The following SLC6A6 variants were observed in gnomAD, a reference collection of about 807,000 sequenced individuals.
The protein encoded by SLC6A6 is solute carrier family 6 member 6, also known as sodium- and chloride-dependent taurine transporter.
A neutral mutation model predicts 68.8 loss-of-function variants in SLC6A6; 16 were observed. The observed-to-expected ratio is 0.23, with a 90% CI of 0.16 to 0.35. The LOEUF (loss-of-function observed/expected upper bound fraction) is 0.35, where lower values mean the gene tolerates loss of function less well. SLC6A6 is among the 10% of genes least tolerant of loss of function. SLC6A6 has a pLI of 1.00. For missense variants in SLC6A6, 474 were observed against 802.8 expected, an observed-to-expected ratio of 0.59 and a Z score of 4.95; for synonymous variants, 312 against 315.4, an observed-to-expected ratio of 0.99 and a Z score of 0.12.
At chr3:14,407,685 C>A (rs936108573) in intron 1 of SLC6A6, among the ~76,000 whole-genome samples, 2 of 152,030 alleles carry the variant, frequency 1.3e-5, no homozygotes, top group African/African-American at 4.8e-5. Flanking sequence ...TTTTGTATTT[C>A]TTGTAGAGAC....
chr3:14,457,871 C>A, intron 5 of SLC6A6, 79 bp from the exon 6 acceptor site: 1 of 1,428,800 alleles, frequency 7.0e-7, no homozygotes, highest in Non-Finnish European at 9.8e-7. Flanking sequence ...GACCCCCAGC[C>A]TGTTAATGTC....
intron 1 of SLC6A6, among the ~76,000 whole-genome samples, chr3:14,406,787 C>T (rs532485055): frequency 1.3e-5 from 2 of 152,322 alleles, no homozygotes; most frequent in East Asian, 3.9e-4. Flanking sequence ...TGTTCTGTTT[C>T]TAAAGCTCCA....
At chr3:14,403,310 G>A (rs1032311346) in intron 1 of SLC6A6, among the ~76,000 whole-genome samples, 30 of 152,090 alleles carry the variant, frequency 2.0e-4, no homozygotes, top group African/African-American at 7.0e-4. Flanking sequence ...ATACCTGAGT[G>A]TGCTGTCTTT....
intron 14 of SLC6A6, 68 bp from the exon 15 acceptor site, chr3:14,484,799 A>G: frequency 6.5e-7 from 1 of 1,546,512 alleles, no homozygotes. Context: ...GAGGAGGCAG[A>G]TGGCCCTGGC....
chr3:14,442,139 C>T (rs1700004278), intron 2 of SLC6A6, among the ~76,000 whole-genome samples: 1 of 152,222 alleles, frequency 6.6e-6, no homozygotes, highest in African/African-American at 2.4e-5. Flanking sequence ...AAGGTGGTCA[C>T]ATCTGCTCCA....
At chr3:14,448,358 G>T (rs1040045784) in intron 5 of SLC6A6, among the ~76,000 whole-genome samples, 1 of 152,138 alleles carries the variant, frequency 6.6e-6, no homozygotes, top group African/African-American at 2.4e-5. Flanking sequence ...GGCTGAGCTT[G>T]GCTGGGCAGT....
chr3:14,414,165 T>A (rs1464390691), intron 1 of SLC6A6, among the ~76,000 whole-genome samples: 1 of 152,196 alleles, frequency 6.6e-6, no homozygotes, highest in Admixed American at 6.5e-5. Flanking sequence ...TATGCCTGCT[T>A]CATTCTCCAT....
At chr3:14,471,262 G>A (rs1700747137) in intron 9 of SLC6A6, among the ~76,000 whole-genome samples, 1 of 151,810 alleles carries the variant, frequency 6.6e-6, no homozygotes, top group Non-Finnish European at 1.5e-5. Flanking sequence ...CTGGAGACAG[G>A]AGGAGACATT....
chr3:14,429,553 T>A (rs1026359756), intron 2 of SLC6A6, among the ~76,000 whole-genome samples: 1 of 152,238 alleles, frequency 6.6e-6, no homozygotes, highest in African/African-American at 2.4e-5. Flanking sequence ...ATCTCTTTCC[T>A]GAGCTGATTT....
chr3:14,461,379 C>T (rs902912707), intron 6 of SLC6A6, among the ~76,000 whole-genome samples: 8 of 152,210 alleles, frequency 5.3e-5, no homozygotes, highest in African/African-American at 1.2e-4. Context: ...GCCCCACTCC[C>T]GACCTGGGTG....
rs1700891437 is a variant in SLC6A6 at position 14,476,929 on chromosome 3, G to T, written c.1210-276G>T. Among the ~76,000 whole-genome samples the T allele has an allele frequency of 2.0e-5, 3 of 152,246 alleles. No homozygotes were observed. The South Asian group carries it at 6.2e-4, about 31-fold the overall frequency. ...GGCATTCTGGTGGCAGGAACAGCCT[G>T]AGAGAAGATGCAGAGGTGTGGAATA... On this transcript the variant is annotated intron_variant, in intron 10 of 14. Transcript: ENST00000622186.
At chr3:14,467,486 G>A (rs1700647989) in intron 7 of SLC6A6, among the ~76,000 whole-genome samples, 3 of 152,196 alleles carry the variant, frequency 2.0e-5, no homozygotes, top group African/African-American at 7.2e-5. Flanking sequence ...CTTTGAACCT[G>A]GGAAATAGCT....
At chr3:14,409,753 G>A (rs1293253599) in intron 1 of SLC6A6, among the ~76,000 whole-genome samples, 1 of 152,256 alleles carries the variant, frequency 6.6e-6, no homozygotes, top group Non-Finnish European at 1.5e-5. Context: ...GTCTGAGGGA[G>A]AGCAGCCCCA....
Position 14,456,701 on chromosome 3 carries a change from C to T in SLC6A6, c.600-1249C>T, listed in dbSNP as rs575218947. ...AATGCTTCCCCAAGAGCATCCTGGG[C>T]AGGAGCTGTTATTCTCATTTTACAA... On this transcript the variant is annotated intron_variant, in intron 5 of 14. Transcript: ENST00000622186. 3.3e-5 allele frequency among the ~76,000 whole-genome samples: 5 copies of T among 152,314 alleles called. No individual in the cohort carries two copies. In the South Asian group the frequency reaches 6.2e-4, roughly 19 times the overall value.
At chr3:14,439,772 C>T (rs534496054) in intron 2 of SLC6A6, among the ~76,000 whole-genome samples, 6 of 152,230 alleles carry the variant, frequency 3.9e-5, no homozygotes, top group Non-Finnish European at 8.8e-5. Flanking sequence ...TGTGAGGAAG[C>T]TGGGGTGACT....
intron 6 of SLC6A6, among the ~76,000 whole-genome samples, chr3:14,466,265 T>TAAAAAAAAA: frequency 9.1e-6 from 1 of 110,272 alleles, no homozygotes; most frequent in Non-Finnish European, 1.9e-5. Context: ...GTCTCAAATT[T>TAAAAAAAAA]AAAAAAAAAA....
At chr3:14,448,320 C>G (rs78065851) in intron 5 of SLC6A6, 1,720 of 171,934 alleles carry the variant, frequency 0.01, 33 homozygotes, top group African/African-American at 0.039. Flanking sequence ...TTATTTAGCT[C>G]TTGATTGTTC....
intron 2 of SLC6A6, among the ~76,000 whole-genome samples, chr3:14,439,159 A>G (rs1371790028): frequency 3.3e-5 from 5 of 152,232 alleles, no homozygotes; most frequent in East Asian, 1.9e-4. Flanking sequence ...GCCAGGTGGG[A>G]ACTCTGGCCT....
chr3:14,473,766 T>C (rs1156480673), intron 10 of SLC6A6, among the ~76,000 whole-genome samples: 2 of 152,236 alleles, frequency 1.3e-5, no homozygotes, highest in Non-Finnish European at 2.9e-5. Context: ...GTTAATGAGT[T>C]TGGCCTTCAG....
Sources: gnomAD v4.1 joint callset for allele counts (sites outside exome capture counted in the v4.1 genomes callset) on GRCh38, gnomAD v4.1.1 for gene constraint, MANE v1.5 for transcripts, NCBI Gene and HGNC (gene_info 2026-07-23, HGNC 2026-07-21) for gene names.